JAK1: variants seen among roughly 807,000 people sequenced by gnomAD.
JAK1 encodes the protein Janus kinase 1, also known as tyrosine-protein kinase JAK1.
Under a neutral mutation model 136.6 loss-of-function variants are expected in JAK1, and 16 were observed. That is an observed-to-expected ratio of 0.12 (90% CI 0.08 to 0.18). JAK1 has a LOEUF of 0.18. Among genes scored for constraint, JAK1 ranks in the 10% least tolerant of loss-of-function variants. The pLI is 1.00. For missense variants in JAK1, 859 were observed against 1,450.1 expected (o/e 0.59, Z 6.62); for synonymous variants, 492 against 519.5 (o/e 0.95, Z 0.72).
At position 65,034,010 on chromosome 1, in the gene JAK1, A is replaced by C. The variant is rs753007711; in HGVS notation, c.-78+10470T>G. Among the ~76,000 whole-genome samples the C allele has an allele frequency of 5.9e-5, 9 of 152,242 alleles. 1 individual carries two copies. The highest frequency in any genetic ancestry group is 1.3e-4 in the Non-Finnish European group (9 of 68,048). On this transcript the variant is annotated intron_variant, in intron 2 of 25. Coordinates refer to the JAK1 transcript ENST00000671954. ...TTAATAAATGATAATAGTAATTTAT[A>C]AGCTATACAAACTCACAGAAATAAG... is the stretch of plus-strand genomic sequence containing the variant.
intron 1 of JAK1, among the ~76,000 whole-genome samples, chr1:64,917,879 T>C (rs1317864997): frequency 6.6e-6 from 1 of 152,186 alleles, no homozygotes; most frequent in Non-Finnish European, 1.5e-5. Flanking sequence ...AACTCATTCA[T>C]GATCTTTTCC....
chr1:64,966,676 G>C (rs963122632), upstream of JAK1, among the ~76,000 whole-genome samples: 2 of 150,326 alleles, frequency 1.3e-5, no homozygotes, highest in Non-Finnish European at 3.0e-5. Flanking sequence ...TCCCGGCGGA[G>C]ACTCTGCGCC....
At chr1:64,869,036 G>A (rs1244181362) in intron 6 of JAK1, among the ~76,000 whole-genome samples, 1 of 152,120 alleles carries the variant, frequency 6.6e-6, no homozygotes, top group Non-Finnish European at 1.5e-5. Context: ...GGCAAGGAGG[G>A]GACGGAGAAG....
chr1:65,032,005 G>A (rs1287253545), intron 2 of JAK1, among the ~76,000 whole-genome samples: 1 of 140,974 alleles, frequency 7.1e-6, no homozygotes, highest in African/African-American at 2.7e-5. Flanking sequence ...TTGCTTTGCT[G>A]CCCAGACTTG....
intron 1 of JAK1, 94 bp from the exon 2 acceptor site, chr1:64,886,435 A>G (rs372215157): frequency 8.0e-6 from 5 of 628,358 alleles, no homozygotes; most frequent in East Asian, 3.3e-5. Flanking sequence ...CCAAACCATA[A>G]GCAGGCAAGA....
intron 3 of JAK1, 71 bp downstream of exon 3, chr1:64,883,206 C>A (rs1644801778): frequency 3.1e-6 from 4 of 1,293,572 alleles, no homozygotes; most frequent in Non-Finnish European, 4.2e-6. Context: ...CTACAAGGGG[C>A]AGAGACCCCC....
chr1:65,034,674 T>C (rs972779771), intron 2 of JAK1, among the ~76,000 whole-genome samples: 4 of 152,226 alleles, frequency 2.6e-5, no homozygotes, highest in African/African-American at 9.6e-5. Context: ...AGACAAAATA[T>C]GTTTCTCCAT....
At position 64,939,421 on chromosome 1, in the gene JAK1, C is replaced by T. The variant is rs1430336052; in HGVS notation, c.-78+26912G>A. On this transcript the variant is annotated intron_variant, in intron 1 of 24. Transcript: ENST00000342505. Reference sequence around the variant, plus strand: ...CATTCACACAAGTTCACAATAGTTTCACAGTTTGCAGAAGTTTGGAGTCAC... The same window carrying T: ...CATTCACACAAGTTCACAATAGTTTTACAGTTTGCAGAAGTTTGGAGTCAC... Among the ~76,000 whole-genome samples, 9 of 152,340 alleles carry T rather than the reference C, an allele frequency of 5.9e-5. No individual in the cohort carries two copies. In the South Asian group the frequency reaches 1.5e-3, roughly 25 times the overall value.
chr1:64,870,492 T>C (rs768280733), intron 5 of JAK1, among the ~76,000 whole-genome samples: 11 of 151,934 alleles, frequency 7.2e-5, no homozygotes, highest in Non-Finnish European at 1.2e-4. Context: ...AGTAGAAGAA[T>C]TGAGTACCCT....
intron 1 of JAK1, among the ~76,000 whole-genome samples, chr1:64,935,828 T>C (rs890349889): frequency 6.6e-6 from 1 of 152,186 alleles, no homozygotes; most frequent in African/African-American, 2.4e-5. Flanking sequence ...ATTGAGTCTT[T>C]ACAATTTCAT....
chr1:64,946,314 C>CATTTA (rs1645984952), intron 1 of JAK1, among the ~76,000 whole-genome samples: 1 of 152,134 alleles, frequency 6.6e-6, no homozygotes. Flanking sequence ...CATGTTATCT[C>CATTTA]ATTTAATAGT....
intron 2 of JAK1, among the ~76,000 whole-genome samples, chr1:65,031,155 CAAAAAAAAA>C (rs375856684): frequency 1.5e-5 from 1 of 68,282 alleles, no homozygotes; most frequent in African/African-American, 5.1e-5. Flanking sequence ...GACCCTATCT[CAAAAAAAAA>C]AAAAAAAAAA....
intron 2 of JAK1, among the ~76,000 whole-genome samples, chr1:64,977,012 C>T (rs1448740977): frequency 1.3e-5 from 2 of 152,190 alleles, no homozygotes; most frequent in East Asian, 1.9e-4. Flanking sequence ...TTGTATTTCT[C>T]CCTTTGATCT....
chr1:65,036,424 A>G (rs1647075364), intron 2 of JAK1, among the ~76,000 whole-genome samples: 1 of 151,998 alleles, frequency 6.6e-6, no homozygotes, highest in Non-Finnish European at 1.5e-5. Context: ...AACACAGTGA[A>G]AGTCCCCGTG....
Position 65,050,714 on chromosome 1 carries a change from G to A in JAK1, c.-180-6132C>T, listed in dbSNP as rs527270940. Among the ~76,000 whole-genome samples the A allele has an allele frequency of 2.6e-5, 4 of 152,332 alleles. No homozygotes were observed. The East Asian group carries it at 7.7e-4, about 29-fold the overall frequency. ...GAAAAAGGCAACAGTGGACAGGGGA[G>A]GCAGTGTATGGTGCAAATTTTAAAG... On this transcript the variant is annotated intron_variant, in intron 1 of 25. Coordinates refer to the JAK1 transcript ENST00000671954.
intron 1 of JAK1, among the ~76,000 whole-genome samples, chr1:64,888,457 G>C (rs1006662229): frequency 1.4e-4 from 22 of 152,256 alleles, no homozygotes; most frequent in Non-Finnish European, 1.9e-4. Context: ...TGGGATTACA[G>C]GCGTGAGCCA....
At chr1:65,061,533 T>G (rs941047151) in intron 1 of JAK1, among the ~76,000 whole-genome samples, 9 of 152,218 alleles carry the variant, frequency 5.9e-5, no homozygotes, top group African/African-American at 2.2e-4. Context: ...CGTAAGTTGT[T>G]GGCCAAGCAG....
chr1:64,911,547 A>T (rs561947091), intron 1 of JAK1, among the ~76,000 whole-genome samples: 1 of 152,318 alleles, frequency 6.6e-6, no homozygotes, highest in Admixed American at 6.5e-5. Flanking sequence ...GACTGAAGTA[A>T]CTAACTCAGG....
chr1:64,868,771 G>A (rs1656879354), intron 6 of JAK1, among the ~76,000 whole-genome samples: 1 of 152,242 alleles, frequency 6.6e-6, no homozygotes, highest in African/African-American at 2.4e-5. Context: ...TAGATGGACA[G>A]AACTTAAATA....
Sources: allele counts gnomAD v4.1 joint callset (sites outside exome capture counted in the v4.1 genomes callset), GRCh38; gene constraint gnomAD v4.1.1; transcripts MANE v1.5; gene names NCBI Gene and HGNC (gene_info 2026-07-23, HGNC 2026-07-21).